The following GULP1 variants were observed in gnomAD, a reference collection of about 807,000 sequenced individuals.
GULP1 encodes PTB domain-containing engulfment adapter protein 1.
A neutral mutation model predicts 40.9 loss-of-function variants in GULP1; 19 were observed. That is an observed-to-expected ratio of 0.46 (90% confidence interval 0.32 to 0.68). GULP1 has a LOEUF of 0.68. Among genes scored for constraint, GULP1 ranks in the 30% least tolerant of loss-of-function variants. The probability of loss-of-function intolerance (pLI) is 0.03; values close to 1 mark genes in which losing one functional copy is unlikely to be tolerated. For synonymous variants in GULP1, 119 were observed against 117.6 expected (o/e 1.01, Z -0.08); for missense variants, 312 against 362.2 (o/e 0.86, Z 1.12).
At chr2:188,299,474 G>C (rs1210661169) in intron 1 of GULP1, among the ~76,000 whole-genome samples, 1 of 152,136 alleles carries the variant, frequency 6.6e-6, no homozygotes, top group Non-Finnish European at 1.5e-5. Context: ...TCTTTATTCA[G>C]TGATTTTCCA....
intron 1 of GULP1, among the ~76,000 whole-genome samples, chr2:188,380,846 C>T (rs1256514819): frequency 6.6e-6 from 1 of 152,044 alleles, no homozygotes; most frequent in Non-Finnish European, 1.5e-5. Context: ...TAAGATTTAC[C>T]TGTTACATTA....
At position 188,583,218 on chromosome 2, in the gene GULP1, A is replaced by G. The variant is rs148310678; in HGVS notation, c.610-1047A>G. 6.2e-4 allele frequency among the ~76,000 whole-genome samples: 94 copies of G among 152,314 alleles called. 1 individual carries two copies. The highest frequency in any genetic ancestry group is 2.0e-3 in the African/African-American group (84 of 41,568). On this transcript the variant is annotated intron_variant, in intron 9 of 11. Transcript: ENST00000409830. ...GGGATGACAGCAATTTTCCTGCATG[A>G]AAAATAATGTACTAGCAATTATTTT...
chr2:188,574,857 G>A (rs1699854928), intron 9 of GULP1, among the ~76,000 whole-genome samples: 1 of 152,226 alleles, frequency 6.6e-6, no homozygotes, highest in Admixed American at 6.5e-5. Flanking sequence ...AATTTAAAAT[G>A]TGAGGCCCAA....
chr2:188,370,924 CTATTGA>C (rs1224575683), intron 1 of GULP1, among the ~76,000 whole-genome samples: 3 of 151,892 alleles, frequency 2.0e-5, no homozygotes, highest in Non-Finnish European at 4.4e-5. Flanking sequence ...GATTGGTGAC[CTATTGA>C]TAAGATTTTT....
At chr2:188,406,537 A>T (rs941859747) in intron 2 of GULP1, among the ~76,000 whole-genome samples, 1 of 152,196 alleles carries the variant, frequency 6.6e-6, no homozygotes, top group East Asian at 1.9e-4. Context: ...TTTAAAAAAC[A>T]TAGAAATTAT....
chr2:188,369,470 C>CT (rs1272032688), intron 1 of GULP1, among the ~76,000 whole-genome samples: 3 of 151,990 alleles, frequency 2.0e-5, no homozygotes, highest in African/African-American at 7.2e-5. Flanking sequence ...CATGTCCAGT[C>CT]TTTAAGAGAA....
chr2:188,594,115 G>T lies in GULP1; in HGVS notation c.*104G>T. 1.6e-6 allele frequency: 1 copy of T among 616,046 alleles called. No individual in the cohort carries two copies. 38.2% of individuals were successfully genotyped at this position (616,046 alleles called of 1,614,324 possible). A position where few individuals can be genotyped will look rare whatever the true frequency, so the allele number is the denominator to read the frequency against. ...GTATTATTCATGTGTCAATGTTTTT[G>T]AATATTTTAATATTTTGAAAATTTT... On this transcript the variant is annotated 3_prime_UTR_variant, in exon 12 of 12. Transcript: ENST00000409830.
intron 5 of GULP1, among the ~76,000 whole-genome samples, chr2:188,524,298 A>G (rs1475751887): frequency 1.3e-5 from 2 of 152,216 alleles, no homozygotes; most frequent in Non-Finnish European, 2.9e-5. Context: ...TGACGAGTTT[A>G]CATATATTTT....
chr2:188,477,952 A>T (rs1034346398), intron 3 of GULP1, among the ~76,000 whole-genome samples: 1 of 152,164 alleles, frequency 6.6e-6, no homozygotes, highest in African/African-American at 2.4e-5. Flanking sequence ...CACAATACAT[A>T]TGTGATAATA....
intron 1 of GULP1, among the ~76,000 whole-genome samples, chr2:188,334,801 A>G (rs1396470905): frequency 6.6e-6 from 1 of 152,340 alleles, no homozygotes; most frequent in African/African-American, 2.4e-5. Context: ...AAAAGATCAT[A>G]TTTGGGATAG....
At chr2:188,346,152 C>T (rs1286667829) in intron 1 of GULP1, among the ~76,000 whole-genome samples, 1 of 152,190 alleles carries the variant, frequency 6.6e-6, no homozygotes, top group African/African-American at 2.4e-5. Flanking sequence ...TCCTGCCTTA[C>T]AGGCTGTAGT....
intron 2 of GULP1, among the ~76,000 whole-genome samples, chr2:188,396,983 T>C (rs905239413): frequency 1.3e-5 from 2 of 152,216 alleles, no homozygotes; most frequent in African/African-American, 4.8e-5. Flanking sequence ...GATTGCCAGG[T>C]TCTGCAGTAG....
intron 1 of GULP1, among the ~76,000 whole-genome samples, chr2:188,315,884 T>G (rs1022879666): frequency 6.6e-6 from 1 of 152,100 alleles, no homozygotes; most frequent in Non-Finnish European, 1.5e-5. Flanking sequence ...ATTTTCAGAC[T>G]GTGACTGATT....
intron 11 of GULP1, 172 bp downstream of exon 11, chr2:188,588,121 C>A: frequency 1.6e-6 from 1 of 638,340 alleles, no homozygotes; most frequent in South Asian, 1.8e-5. Flanking sequence ...AATACTCCTA[C>A]ATATGCTAAG....
At chr2:188,491,553 A>G (rs1029666820) in intron 4 of GULP1, 2 of 152,078 alleles carry the variant, frequency 1.3e-5, no homozygotes, top group African/African-American at 2.4e-5. Context: ...GATGTTATCA[A>G]TGGATTATGT....
chr2:188,514,285 T>C (rs2064956660), intron 4 of GULP1, among the ~76,000 whole-genome samples: 1 of 152,176 alleles, frequency 6.6e-6, no homozygotes, highest in Admixed American at 6.5e-5. Context: ...TCGGTCTTTA[T>C]TTAGAAGTTT....
chr2:188,351,245 G>A (rs898389431), intron 1 of GULP1, among the ~76,000 whole-genome samples: 1 of 152,008 alleles, frequency 6.6e-6, no homozygotes, highest in Non-Finnish European at 1.5e-5. Flanking sequence ...GAAAAAAGAT[G>A]AGGAGAGAAC....
intron 4 of GULP1, among the ~76,000 whole-genome samples, chr2:188,493,092 T>C (rs907219808): frequency 6.6e-6 from 1 of 152,128 alleles, no homozygotes; most frequent in African/African-American, 2.4e-5. Flanking sequence ...ACACTTTATT[T>C]ACTATTTCTT....
At chr2:188,584,201 A>G (rs1281052476) in intron 9 of GULP1, 64 bp from the exon 10 acceptor site, 9 of 1,087,996 alleles carry the variant, frequency 8.3e-6, no homozygotes, top group Non-Finnish European at 1.2e-5. Context: ...TATGCATATG[A>G]AATATTTAGC....
Sources: allele counts gnomAD v4.1 joint callset (sites outside exome capture counted in the v4.1 genomes callset), GRCh38; gene constraint gnomAD v4.1.1; transcripts MANE v1.5; gene names NCBI Gene and HGNC (gene_info 2026-07-23, HGNC 2026-07-21).